ITGA4: variants seen among roughly 807,000 people sequenced by gnomAD.
ITGA4 encodes integrin alpha-4.
Under a neutral mutation model 133.6 loss-of-function variants are expected in ITGA4, and 63 were observed. That is an observed-to-expected ratio of 0.47 (90% CI 0.38 to 0.58). The LOEUF is 0.58. Ranked by LOEUF, ITGA4 falls within the 20% of genes least tolerant of loss-of-function variation. ITGA4 has a pLI of 0.00. For synonymous variants in ITGA4, 483 were observed against 438.0 expected (o/e 1.10, Z -1.28); for missense variants, 1,076 against 1,252.7 (o/e 0.86, Z 2.13).
At chr2:181,505,122 A>G (rs1342200869) in intron 15 of ITGA4, among the ~76,000 whole-genome samples, 1 of 151,846 alleles carries the variant, frequency 6.6e-6, no homozygotes, top group Non-Finnish European at 1.5e-5. Context: ...CTTCTTCTGT[A>G]TTTAGACATG....
chr2:181,503,611 T>G (rs2105751412), intron 15 of ITGA4, among the ~76,000 whole-genome samples: 1 of 151,184 alleles, frequency 6.6e-6, no homozygotes, highest in East Asian at 1.9e-4. Flanking sequence ...CCTTTGTATT[T>G]TAGTTGATTA....
chr2:181,502,995 A>C (rs1245425395), intron 15 of ITGA4, among the ~76,000 whole-genome samples: 1 of 152,062 alleles, frequency 6.6e-6, no homozygotes, highest in Non-Finnish European at 1.5e-5. Flanking sequence ...GGGGCACACC[A>C]AGACGGTGAG....
chr2:181,478,228 G>C (rs527761236), intron 4 of ITGA4, among the ~76,000 whole-genome samples: 1 of 152,154 alleles, frequency 6.6e-6, no homozygotes, highest in East Asian at 1.9e-4. Flanking sequence ...GAAGATGTTG[G>C]TGAAAGATGT....
In ITGA4 at chr2:181,458,420, G is replaced by A. The variant is rs1685188001; in HGVS notation, c.319+103G>A. 10 of 1,397,384 alleles carry A rather than the reference G, an allele frequency of 7.2e-6. No individual in the cohort carries two copies. The South Asian group carries it at 1.0e-4, about 14-fold the overall frequency. 86.6% of individuals were successfully genotyped at this position (1,397,384 alleles called of 1,614,324 possible). On this transcript the variant is annotated intron_variant, in intron 2 of 27. Coordinates refer to ENST00000397033, the MANE Select transcript of ITGA4 (RefSeq NM_000885.6). ...AGATTCACGTTGCCTGTTACTTCTG[G>A]TTTAAAGAGCATAAAGTTTTCAGTT... is the stretch of plus-strand genomic sequence containing the variant.
At chr2:181,512,605 C>T (rs1371230223) in intron 17 of ITGA4, among the ~76,000 whole-genome samples, 11 of 151,972 alleles carry the variant, frequency 7.2e-5, no homozygotes, top group Non-Finnish European at 1.5e-4. Flanking sequence ...TTAAAGAGAA[C>T]CAAGTCCCTG....
chr2:181,519,134 A>T (rs1305665153), intron 17 of ITGA4, among the ~76,000 whole-genome samples: 2 of 152,268 alleles, frequency 1.3e-5, no homozygotes, highest in East Asian at 3.9e-4. Context: ...TACACCAATG[A>T]TAAGAAACAT....
Position 181,498,613 on chromosome 2 carries a change from A to G in ITGA4, c.1541-10A>G, listed in dbSNP as rs200712891. 7.5e-5 allele frequency: 118 copies of G among 1,569,510 alleles called. No individual in the cohort carries two copies. Among genetic ancestry groups the G allele is most frequent in the Non-Finnish European group, 9.7e-5 (111 of 1,146,046 alleles). ...AATTAGATTAATTGCAATTCTCTAT[A>G]TTTTTGCAGTTTTGTTTTATAACAT... is the stretch of plus-strand genomic sequence containing the variant. On this transcript the variant is annotated splice_polypyrimidine_tract_variant and intron_variant, in intron 14 of 27. Coordinates refer to ENST00000397033, the MANE Select transcript of ITGA4 (RefSeq NM_000885.6).
intron 1 of ITGA4, 58 bp downstream of exon 1, chr2:181,457,909 C>A: frequency 6.9e-7 from 1 of 1,458,154 alleles, no homozygotes; most frequent in South Asian, 1.3e-5. Context: ...AGAATGGCGC[C>A]CTAGGGATTC....
chr2:181,525,282 C>T lies in ITGA4; in HGVS notation c.2330C>T (p.Thr777Ile). The change falls in exon 21 of 28, where the codon ACT (threonine) becomes ATT (isoleucine). Residue 777 changes from threonine (T) to isoleucine (I), a missense_variant. This residue lies in a region of ITGA4 where 365 missense variants were observed against 421.4 expected (regional missense o/e 0.87). Transcript: ENST00000397033. ...CCTTTAAAATATGAGGTTAAGCTGA[C>T]TGTTCATGGGTAAGTAGACATAAAG... ...AIPLKYEVKL[T>I]VHGFVNPTSF... The T allele has an allele frequency of 6.4e-7, 1 of 1,564,986 alleles. No individual in the cohort carries two copies. The highest frequency in any genetic ancestry group is 1.7e-4 in the Middle Eastern group (1 of 5,934).
intron 2 of ITGA4, among the ~76,000 whole-genome samples, chr2:181,463,206 G>T (rs1181396499): frequency 6.6e-6 from 1 of 152,160 alleles, no homozygotes; most frequent in African/African-American, 2.4e-5. Context: ...TAAAAATTGT[G>T]TACAGTTGCA....
In ITGA4 at chr2:181,538,465, T is replaced by C. The variant is rs1687314286; in HGVS notation, c.*2938T>C. On this transcript the variant is annotated 3_prime_UTR_variant, in exon 28 of 28. Coordinates refer to ENST00000397033, the MANE Select transcript of ITGA4 (RefSeq NM_000885.6). ...ACTGACTTCCTTGATTGTCCAATGC[T>C]CTCCATTACCTCTGTAAAACAGTCA... 1.3e-5 allele frequency among the ~76,000 whole-genome samples: 2 copies of C among 152,202 alleles called. No individual in the cohort carries two copies. Among genetic ancestry groups the C allele is most frequent in the East Asian group, 3.9e-4 (2 of 5,180 alleles).
intron 5 of ITGA4, 152 bp from the exon 6 acceptor site, chr2:181,479,985 T>G (rs986728371): frequency 4.4e-6 from 2 of 454,600 alleles, no homozygotes; most frequent in African/African-American, 4.1e-5. Context: ...TCTGGCTTTT[T>G]TTTTTTCCTA....
chr2:181,474,243 T>C (rs1275848853), intron 2 of ITGA4, among the ~76,000 whole-genome samples: 1 of 152,260 alleles, frequency 6.6e-6, no homozygotes, highest in Non-Finnish European at 1.5e-5. Flanking sequence ...CCACTTCTTA[T>C]ATAGTATAGA....
rs550035048 is a variant in ITGA4, at chr2:181,485,229, A to G, written c.1042-652A>G. ...TCCTCGACAATCAAGACGCTACACT[A>G]TAAGACTGCAATCTGACATTTTTGT... is the stretch of plus-strand genomic sequence containing the variant. On this transcript the variant is annotated intron_variant, in intron 9 of 27. Transcript: ENST00000397033. 4.6e-5 allele frequency among the ~76,000 whole-genome samples: 7 copies of G among 152,324 alleles called. No homozygotes were observed. In the South Asian group the frequency reaches 1.4e-3, roughly 32 times the overall value.
At position 181,537,732 on chromosome 2, in the gene ITGA4, C is replaced by T. The variant is rs201131211; in HGVS notation, c.*2205C>T. 1.6e-5 allele frequency: 7 copies of T among 439,428 alleles called. No individual in the cohort carries two copies. Among genetic ancestry groups the T allele is most frequent in the Non-Finnish European group, 3.2e-5 (7 of 219,566 alleles). 27.2% of individuals were successfully genotyped at this position (439,428 alleles called of 1,614,324 possible). ...AAAGTTTTTTTGTGTGTCCAATAAACACATTGTAAAAAAAAGAATTTGAAT... is the reference window on the plus strand; with the variant it reads ...AAAGTTTTTTTGTGTGTCCAATAAATACATTGTAAAAAAAAGAATTTGAAT... On this transcript the variant is annotated 3_prime_UTR_variant, in exon 28 of 28. Transcript: ENST00000397033.
Position 181,538,835 on chromosome 2 carries a change from C to T in ITGA4, c.*3308C>T, listed in dbSNP as rs1285532830. Among the ~76,000 whole-genome samples, 1 of 152,088 alleles carries T rather than the reference C, an allele frequency of 6.6e-6. No homozygotes were observed. Among genetic ancestry groups the T allele is most frequent in the Non-Finnish European group, 1.5e-5 (1 of 68,010 alleles). ...TTGTAGACATTATCTGTAGTTTATGCACAACAATAAATTAGAAAGCCAATG... is the reference window on the plus strand; with the variant it reads ...TTGTAGACATTATCTGTAGTTTATGTACAACAATAAATTAGAAAGCCAATG... On this transcript the variant is annotated 3_prime_UTR_variant, in exon 28 of 28. Transcript: ENST00000397033.
At chr2:181,478,218 G>C (rs1248647633) in intron 4 of ITGA4, among the ~76,000 whole-genome samples, 1 of 151,932 alleles carries the variant, frequency 6.6e-6, no homozygotes, top group East Asian at 1.9e-4. Context: ...TTAGGAATAG[G>C]AAGATGTTGG....
chr2:181,529,465 C>A, intron 22 of ITGA4, 76 bp from the exon 23 acceptor site: 1 of 724,644 alleles, frequency 1.4e-6, no homozygotes, highest in Non-Finnish European at 2.4e-6. Context: ...ACGGGATCAC[C>A]TAAAAGCTCA....
At chr2:181,528,845 C>A (rs1249289047) in intron 22 of ITGA4, among the ~76,000 whole-genome samples, 3 of 152,156 alleles carry the variant, frequency 2.0e-5, no homozygotes, top group Admixed American at 6.5e-5. Context: ...TATATTTTGG[C>A]CCCATTTCCC....
Sources: gnomAD v4.1 joint callset for allele counts (sites outside exome capture counted in the v4.1 genomes callset) on GRCh38, gnomAD v4.1.1 for gene constraint, gnomAD v4.1.1 regional missense constraint, MANE v1.5 for transcripts, NCBI Gene and HGNC (gene_info 2026-07-23, HGNC 2026-07-21) for gene names.